The following MEIS1 variants were observed in gnomAD, a reference collection of about 807,000 sequenced individuals.
MEIS1 encodes homeobox protein Meis1.
MEIS1 carries 5 observed loss-of-function variants against 50.8 expected under a neutral mutation model. That is an observed-to-expected ratio of 0.10 (90% CI 0.05 to 0.21). The LOEUF (loss-of-function observed/expected upper bound fraction) is 0.21, where lower values mean the gene tolerates loss of function less well. MEIS1 is among the 10% of genes least tolerant of loss of function. The pLI is 1.00. For missense variants in MEIS1, 318 were observed against 517.3 expected (o/e 0.61, Z 3.74); for synonymous variants, 176 against 179.3 (o/e 0.98, Z 0.15).
At chr2:66,491,627 T>C (rs943475205) in intron 7 of MEIS1, among the ~76,000 whole-genome samples, 4 of 152,212 alleles carry the variant, frequency 2.6e-5, no homozygotes, top group Admixed American at 2.6e-4. Flanking sequence ...GGGTCTGTTT[T>C]GCATTTAAAA....
intron 6 of MEIS1, among the ~76,000 whole-genome samples, chr2:66,450,539 C>T (rs1387598476): frequency 1.3e-5 from 2 of 152,090 alleles, no homozygotes; most frequent in African/African-American, 4.8e-5. Context: ...TTAAAAATGG[C>T]CACAACCTTA....
intron 9 of MEIS1, among the ~76,000 whole-genome samples, chr2:66,565,443 A>G (rs147664888): frequency 2.2e-3 from 336 of 152,288 alleles, no homozygotes; most frequent in Non-Finnish European, 2.9e-3. Context: ...GCTAATTTTT[A>G]TATATCTATT....
intron 7 of MEIS1, among the ~76,000 whole-genome samples, chr2:66,504,117 A>G (rs1178332621): frequency 1.3e-5 from 2 of 152,062 alleles, no homozygotes; most frequent in East Asian, 3.9e-4. Flanking sequence ...TCATAGGAAG[A>G]AGTATTTTCT....
intron 7 of MEIS1, among the ~76,000 whole-genome samples, chr2:66,475,721 T>C (rs897087674): frequency 1.3e-5 from 2 of 152,216 alleles, no homozygotes; most frequent in Admixed American, 6.5e-5. Context: ...TCCAGGGAGA[T>C]GGCAGAGGCT....
intron 8 of MEIS1, among the ~76,000 whole-genome samples, chr2:66,517,649 A>G (rs1212146024): frequency 6.6e-6 from 1 of 152,188 alleles, no homozygotes; most frequent in South Asian, 2.1e-4. Context: ...AACTTTGACT[A>G]GATAAGGACC....
intron 8 of MEIS1, among the ~76,000 whole-genome samples, chr2:66,544,999 ATGTT>A (rs1674754692): frequency 6.6e-6 from 1 of 152,308 alleles, no homozygotes; most frequent in African/African-American, 2.4e-5. Flanking sequence ...CTTTGTAAGA[ATGTT>A]TGTAAAACTT....
intron 7 of MEIS1, among the ~76,000 whole-genome samples, chr2:66,492,711 G>C (rs1329155653): frequency 6.6e-6 from 1 of 152,208 alleles, no homozygotes; most frequent in African/African-American, 2.4e-5. Flanking sequence ...AGATCTGGCT[G>C]TTCCATTCTG....
intron 9 of MEIS1, among the ~76,000 whole-genome samples, chr2:66,548,660 G>T (rs1674849258): frequency 6.6e-6 from 1 of 152,192 alleles, no homozygotes; most frequent in African/African-American, 2.4e-5. Flanking sequence ...CAGCAGTGTG[G>T]CAATGAGGCT....
chr2:66,528,665 T>C (rs112371103), intron 8 of MEIS1, among the ~76,000 whole-genome samples: 42 of 152,320 alleles, frequency 2.8e-4, no homozygotes, highest in African/African-American at 9.9e-4. Context: ...GTCAGTCCTC[T>C]ATGTCTCCAG....
chr2:66,477,190 G>A (rs1672914349), intron 7 of MEIS1, among the ~76,000 whole-genome samples: 2 of 152,182 alleles, frequency 1.3e-5, no homozygotes, highest in Admixed American at 1.3e-4. Flanking sequence ...GGAGGCTGGA[G>A]TCAGCATGAT....
chr2:66,549,114 G>T (rs1674857527), intron 9 of MEIS1, among the ~76,000 whole-genome samples: 2 of 152,130 alleles, frequency 1.3e-5, no homozygotes, highest in Admixed American at 6.5e-5. Context: ...CCCCATTACA[G>T]AAAATGTAAT....
intron 9 of MEIS1, among the ~76,000 whole-genome samples, chr2:66,562,458 C>T (rs1205517057): frequency 1.3e-5 from 2 of 151,036 alleles, no homozygotes. Flanking sequence ...CAAAGCAAAA[C>T]TTCCTGTATT....
intron 8 of MEIS1, among the ~76,000 whole-genome samples, chr2:66,519,952 T>C (rs1404062108): frequency 6.6e-6 from 1 of 152,194 alleles, no homozygotes; most frequent in Non-Finnish European, 1.5e-5. Context: ...TTTTTATCTG[T>C]TTCCACAATT....
chr2:66,558,651 T>C (rs1187263482), intron 9 of MEIS1, among the ~76,000 whole-genome samples: 3 of 152,170 alleles, frequency 2.0e-5, no homozygotes, highest in African/African-American at 7.2e-5. Context: ...ATTGTGCCAT[T>C]CTATAGCCTA....
At chr2:66,444,521 A>G (rs563807641) in intron 6 of MEIS1, among the ~76,000 whole-genome samples, 3 of 152,358 alleles carry the variant, frequency 2.0e-5, no homozygotes, top group Admixed American at 6.5e-5. Flanking sequence ...AAAAGTGCCA[A>G]TGCGCCGGGT....
At chr2:66,477,666 T>C (rs1003325703) in intron 7 of MEIS1, among the ~76,000 whole-genome samples, 1 of 152,180 alleles carries the variant, frequency 6.6e-6, no homozygotes, top group Non-Finnish European at 1.5e-5. Flanking sequence ...TTTCATCAGT[T>C]TACTGCTCTG....
At chr2:66,487,719 T>C (rs1673176321) in intron 7 of MEIS1, among the ~76,000 whole-genome samples, 1 of 152,216 alleles carries the variant, frequency 6.6e-6, no homozygotes, top group South Asian at 2.1e-4. Flanking sequence ...CTTCGTAACT[T>C]ACAAGCCATG....
At chr2:66,517,980 G>A (rs1183056983) in intron 8 of MEIS1, among the ~76,000 whole-genome samples, 1 of 152,132 alleles carries the variant, frequency 6.6e-6, no homozygotes, top group Non-Finnish European at 1.5e-5. Context: ...GAAGATCAAA[G>A]GAGAAGCATC....
At chr2:66,444,211 T>C (rs1484813233) in intron 6 of MEIS1, among the ~76,000 whole-genome samples, 1 of 152,038 alleles carries the variant, frequency 6.6e-6, no homozygotes, top group Non-Finnish European at 1.5e-5. Flanking sequence ...CCAGTGTTGT[T>C]TCTCTTTCTG....
Sources: allele counts gnomAD v4.1 joint callset (sites outside exome capture counted in the v4.1 genomes callset), GRCh38; gene constraint gnomAD v4.1.1; transcripts MANE v1.5; gene names NCBI Gene and HGNC (gene_info 2026-07-23, HGNC 2026-07-21).